LPIN1: variants seen among roughly 807,000 people sequenced by gnomAD.
LPIN1 encodes lipin 1, also known as phosphatidate phosphatase LPIN1.
LPIN1 carries 71 observed loss-of-function variants against 107.5 expected under a neutral mutation model. The observed-to-expected ratio is 0.66, with a 90% CI of 0.55 to 0.80. LPIN1 has a LOEUF of 0.80. LPIN1 is among the 30% of genes least tolerant of loss of function. LPIN1 has a pLI of 0.00. For missense variants in LPIN1, 1,043 were observed against 1,160.6 expected (o/e 0.90, Z 1.47); for synonymous variants, 445 against 452.6 (o/e 0.98, Z 0.21).
Position 11,783,716 on chromosome 2 carries a change from A to C in LPIN1, c.1265-113A>C, listed in dbSNP as rs945933374. 1.1e-5 allele frequency: 10 copies of C among 876,342 alleles called. No homozygotes were observed. The African/African-American group carries it at 1.1e-4, about 10-fold the overall frequency. The allele number at this position is 876,342 out of a possible 1,614,324, so 54.3% of individuals were successfully genotyped here. A position where few individuals can be genotyped will look rare whatever the true frequency, so the allele number is the denominator to read the frequency against. ...ACTGTTGTGGTTCTTGGGCAGTTTGAGTACCTGGGAGCAAATCTGCACATA... is the reference window on the plus strand; with the variant it reads ...ACTGTTGTGGTTCTTGGGCAGTTTGCGTACCTGGGAGCAAATCTGCACATA... On this transcript the variant is annotated intron_variant, in intron 8 of 20. Transcript: ENST00000674199.
At chr2:11,689,580 A>G (rs899590280) in intron 1 of LPIN1, among the ~76,000 whole-genome samples, 1 of 152,118 alleles carries the variant, frequency 6.6e-6, no homozygotes, top group Admixed American at 6.6e-5. Context: ...GAACAAAATT[A>G]TATTCTTTTA....
At position 11,767,822 on chromosome 2, in the gene LPIN1, A is replaced by G; in HGVS notation, c.252A>G (p.Gly84=). The change falls in exon 3 of 21, where the codon GGA becomes GGG. Residue 84 remains glycine, a synonymous_variant. Coordinates refer to ENST00000674199, the MANE Select transcript of LPIN1 (RefSeq NM_001349206.2). ...TGCATATGAAATTGGGAGATAATGG[A>G]GAAGCATTTTTTGTTCAAGAAACAG... ...VDLHMKLGDN[G]EAFFVQETDN... 1.9e-6 allele frequency: 3 copies of G among 1,613,186 alleles called. No homozygotes were observed. Among genetic ancestry groups the G allele is most frequent in the Non-Finnish European group, 2.5e-6 (3 of 1,179,090 alleles).
At chr2:11,805,342 C>A in intron 17 of LPIN1, 186 bp downstream of exon 17, 2 of 660,754 alleles carry the variant, frequency 3.0e-6, no homozygotes, top group Non-Finnish European at 5.5e-6. Flanking sequence ...CCAGCAACTC[C>A]AAATTTGAAT....
At chr2:11,804,962 A>G (rs945866870) in intron 16 of LPIN1, 108 bp from the exon 17 acceptor site, 1 of 759,976 alleles carries the variant, frequency 1.3e-6, no homozygotes, top group African/African-American at 1.8e-5. Flanking sequence ...TCCAGAAAGA[A>G]AGTTGTGGGT....
At chr2:11,732,406 AT>A (rs1226878893) in intron 1 of LPIN1, among the ~76,000 whole-genome samples, 1 of 152,190 alleles carries the variant, frequency 6.6e-6, no homozygotes, top group African/African-American at 2.4e-5. Flanking sequence ...TCTACTCTAG[AT>A]TATAACATCC....
intron 1 of LPIN1, among the ~76,000 whole-genome samples, chr2:11,759,294 AAG>A (rs1055732171): frequency 1.6e-4 from 24 of 151,878 alleles, no homozygotes; most frequent in African/African-American, 5.6e-4. Flanking sequence ...CAAGTGAACA[AAG>A]GTCTCTGGTT....
rs1678071615 is a variant in LPIN1, at chr2:11,803,138, C to CATCCCAGGTGACAAGGG, written c.2013+113_2013+114insTGACAAGGGATCCCAGG. 6.7e-7 allele frequency: 1 copy of CATCCCAGGTGACAAGGG among 1,502,334 alleles called. No homozygotes were observed. The highest frequency in any genetic ancestry group is 1.1e-5 in the South Asian group (1 of 88,422). The allele number at this position is 1,502,334 out of a possible 1,614,324, so 93.1% of individuals were successfully genotyped here. ...GATGTGCCCGTTACTTGTCACCTTT[C>CATCCCAGGTGACAAGGG]ATCCCAGGGGGCCTGCAATCCCTCA... On this transcript the variant is annotated intron_variant, in intron 15 of 20. Transcript: ENST00000674199. This position sits in a 1 kb window ranked among gnomAD's most constrained non-coding sequence, Gnocchi z 4.2.
chr2:11,780,869 C>G (rs527716075), intron 7 of LPIN1, among the ~76,000 whole-genome samples: 1 of 152,346 alleles, frequency 6.6e-6, no homozygotes, highest in African/African-American at 2.4e-5. Flanking sequence ...TACATGCACG[C>G]TGAGCCCCAG....
intron 18 of LPIN1, chr2:11,818,453 A>T (rs1558307621): frequency 1.3e-5 from 2 of 151,630 alleles, no homozygotes; most frequent in Admixed American, 6.6e-5. Flanking sequence ...TACCATTTAC[A>T]CAATTACCTT....
rs1673241420 is a variant in LPIN1, at chr2:11,779,656, C to T, written c.957+11C>T. On this transcript the variant is annotated intron_variant, in intron 7 of 20. Transcript: ENST00000674199. ...CCGCAGGCTGCTAAGGTGAGAGTCT[C>T]TTCAATTCTGCCACGGACCGAAGAT... 3 of 1,613,790 alleles carry T rather than the reference C, an allele frequency of 1.9e-6. No individual in the cohort carries two copies. The highest frequency in any genetic ancestry group is 1.3e-5 in the African/African-American group (1 of 75,024).
chr2:11,706,862 C>T (rs1442766260), intron 1 of LPIN1, among the ~76,000 whole-genome samples: 1 of 152,004 alleles, frequency 6.6e-6, no homozygotes, highest in Admixed American at 6.6e-5. Context: ...TTTTGAGACC[C>T]CTAAAATGAT....
intron 1 of LPIN1, among the ~76,000 whole-genome samples, chr2:11,748,468 T>A (rs1390594280): frequency 2.6e-5 from 4 of 152,212 alleles, no homozygotes; most frequent in Admixed American, 2.6e-4. Context: ...GGGATAATCA[T>A]ACCCATTCAC....
intron 18 of LPIN1, chr2:11,818,144 G>C (rs939561299): frequency 1.3e-5 from 2 of 152,202 alleles, no homozygotes; most frequent in Non-Finnish European, 2.9e-5. Flanking sequence ...AGCATCGGAA[G>C]TGCTAGGCCT....
chr2:11,781,540 G>A (rs1402645703), intron 7 of LPIN1, among the ~76,000 whole-genome samples: 1 of 152,200 alleles, frequency 6.6e-6, no homozygotes, highest in African/African-American at 2.4e-5. Flanking sequence ...TCCCTCTGGC[G>A]GTAGAATCAG....
At position 11,819,508 on chromosome 2, in the gene LPIN1, A is replaced by T. The variant is rs1456856828; in HGVS notation, c.2427A>T (p.Glu809Asp). The T allele has an allele frequency of 6.2e-7, 1 of 1,612,836 alleles. No individual in the cohort carries two copies. The highest frequency in any genetic ancestry group is 1.3e-5 in the African/African-American group (1 of 74,904). Residue 809 changes from glutamate (E) to aspartate (D), a missense_variant, in exon 19 of 21, where the codon GAA becomes GAT. Coordinates refer to ENST00000674199, the MANE Select transcript of LPIN1 (RefSeq NM_001349206.2). Reference protein sequence around the residue: ...LHREVIEKKPEKFKVQCLTDI... With the variant: ...LHREVIEKKPDKFKVQCLTDI... ...GAGAAGTGATTGAAAAGAAGCCAGAAAAGTTTAAAGTCCAGTGTTTGACAG... is the reference window on the plus strand; with the variant it reads ...GAGAAGTGATTGAAAAGAAGCCAGATAAGTTTAAAGTCCAGTGTTTGACAG...
intron 1 of LPIN1, among the ~76,000 whole-genome samples, chr2:11,749,504 C>G (rs993191057): frequency 2.6e-5 from 4 of 152,180 alleles, no homozygotes; most frequent in Admixed American, 6.5e-5. Context: ...TAATTCACCC[C>G]AACAAGCCCT....
intron 6 of LPIN1, among the ~76,000 whole-genome samples, chr2:11,778,245 G>C (rs919099465): frequency 8.5e-5 from 13 of 152,196 alleles, no homozygotes. Context: ...GTGATGTCAG[G>C]AGCCTCCTCT....
intron 1 of LPIN1, among the ~76,000 whole-genome samples, chr2:11,762,342 T>C (rs2148610835): frequency 6.8e-6 from 1 of 147,378 alleles, no homozygotes; most frequent in Non-Finnish European, 1.5e-5. Context: ...TCGGGTTCTA[T>C]GGAGGCTTTA....
At chr2:11,813,667 C>T (rs937463529) in intron 17 of LPIN1, among the ~76,000 whole-genome samples, 1 of 152,130 alleles carries the variant, frequency 6.6e-6, no homozygotes, top group Non-Finnish European at 1.5e-5. Flanking sequence ...GTAATCCCAG[C>T]ATTTTGGGAG....
Sources: gnomAD v4.1 joint callset for allele counts (sites outside exome capture counted in the v4.1 genomes callset) on GRCh38, gnomAD v4.1.1 for gene constraint, Gnocchi (gnomAD v3.1) non-coding constraint, MANE v1.5 for transcripts, NCBI Gene and HGNC (gene_info 2026-07-23, HGNC 2026-07-21) for gene names.